The following RBL1 variants were observed in gnomAD, a reference collection of about 807,000 sequenced individuals.
RBL1 encodes the protein retinoblastoma-like protein 1.
A neutral mutation model predicts 123.0 loss-of-function variants in RBL1; 82 were observed. That is an observed-to-expected ratio of 0.67 (90% CI 0.56 to 0.80). The LOEUF (loss-of-function observed/expected upper bound fraction) is 0.80, where lower values mean the gene tolerates loss of function less well. RBL1 is among the 30% of genes least tolerant of loss of function. The pLI, the probability that RBL1 is intolerant of heterozygous loss-of-function variation, is 0.00. For synonymous variants in RBL1, 405 were observed against 441.3 expected (o/e 0.92, Z 1.03); for missense variants, 1,171 against 1,299.6 (o/e 0.90, Z 1.52).
chr20:37,068,946 C>T (rs1364770754), intron 2 of RBL1, among the ~76,000 whole-genome samples: 1 of 152,272 alleles, frequency 6.6e-6, no homozygotes, highest in Non-Finnish European at 1.5e-5. Flanking sequence ...TGCAACCTCC[C>T]TGCCTGATTC....
intron 9 of RBL1, 29 bp downstream of exon 9, chr20:37,061,074 A>C: frequency 6.7e-7 from 1 of 1,497,686 alleles, no homozygotes; most frequent in Non-Finnish European, 9.0e-7. Context: ...TTAAAAAGAC[A>C]TTTGGAAAAA....
intron 1 of RBL1, among the ~76,000 whole-genome samples, chr20:37,090,507 G>A (rs573769527): frequency 1.3e-5 from 2 of 152,134 alleles, no homozygotes; most frequent in South Asian, 2.1e-4. Context: ...TAAAAAGTTG[G>A]CAAGGGAGTC....
At chr20:37,015,381 C>T (rs370216029) in intron 19 of RBL1, among the ~76,000 whole-genome samples, 21 of 151,832 alleles carry the variant, frequency 1.4e-4, no homozygotes, top group Admixed American at 3.3e-4. Flanking sequence ...AAAAACCACC[C>T]TGGATAGGTA....
In RBL1 at chr20:37,040,180, G is replaced by A. The variant is rs778997257; in HGVS notation, c.1876C>T (p.Arg626Ter). 6.2e-6 allele frequency: 10 copies of A among 1,613,784 alleles called. No individual in the cohort carries two copies. Among genetic ancestry groups the A allele is most frequent in the Non-Finnish European group, 8.5e-6 (10 of 1,179,916 alleles). The part of the protein sequence containing the change: ...PLMHPRVKEV[R>*]TDSGSLRRDM... ...CTTCGAAGACTCCCACTGTCAGTTC[G>A]AACTTCCTTGACTCTTGGGTGCATT... Residue 626 changes from arginine (R) to a stop codon, truncating the protein, a stop_gained, in exon 14 of 22, where the codon CGA (arginine) becomes TGA (stop). Transcript: ENST00000373664. LOFTEE classifies it high-confidence loss of function.
intron 14 of RBL1, among the ~76,000 whole-genome samples, chr20:37,038,082 C>T (rs761013735): frequency 6.7e-6 from 1 of 149,248 alleles, no homozygotes; most frequent in Non-Finnish European, 1.5e-5. Flanking sequence ...AACTCCATCC[C>T]TTGGGTTCAA....
At chr20:37,079,389 T>TTATATAGATAACATCTA (rs2065414550) in intron 2 of RBL1, among the ~76,000 whole-genome samples, 1 of 152,058 alleles carries the variant, frequency 6.6e-6, no homozygotes, top group African/African-American at 2.4e-5. Context: ...GTTATCTGAT[T>TTATATAGATAACATCTA]TATCTGGGAT....
At chr20:37,093,231 G>A (rs1402367115) in intron 1 of RBL1, among the ~76,000 whole-genome samples, 2 of 152,046 alleles carry the variant, frequency 1.3e-5, no homozygotes, top group African/African-American at 2.4e-5. Context: ...TAGGAAGCAT[G>A]AGATATATGA....
rs971867723 is a variant in RBL1 at position 37,040,357 on chromosome 20, C to A, written c.1771-72G>T. 4.5e-6 allele frequency: 7 copies of A among 1,556,300 alleles called. No individual in the cohort carries two copies. The African/African-American group carries it at 6.9e-5, about 15-fold the overall frequency. On this transcript the variant is annotated intron_variant, in intron 13 of 21. Transcript: ENST00000373664. ...GATTAAAACTTATTAAAAATGTTTTCTTTTCTTTTTTTGAGATAAAGTCTC... is the reference window on the plus strand; with the variant it reads ...GATTAAAACTTATTAAAAATGTTTTATTTTCTTTTTTTGAGATAAAGTCTC...
At position 37,069,862 on chromosome 20, in the gene RBL1, C is replaced by T. The variant is rs1235974519; in HGVS notation, c.291-1676G>A. 1.2e-4 allele frequency among the ~76,000 whole-genome samples: 18 copies of T among 150,646 alleles called. No individual in the cohort carries two copies. The South Asian group carries it at 3.0e-3, about 25-fold the overall frequency. On this transcript the variant is annotated intron_variant, in intron 2 of 21. Transcript: ENST00000373664. Reference sequence around the variant, plus strand: ...GAGGGAGGTGGGGGGGTCAGCCCCCCGCCCGGCCAGCCGCCCCGTCCAGGA... The same window carrying T: ...GAGGGAGGTGGGGGGGTCAGCCCCCTGCCCGGCCAGCCGCCCCGTCCAGGA...
chr20:37,032,589 C>A, intron 16 of RBL1, 76 bp downstream of exon 16: 15 of 1,560,690 alleles, frequency 9.6e-6, no homozygotes, highest in East Asian at 2.3e-5. Context: ...AAAAAAAGAC[C>A]AAAGTCTGTC....
chr20:37,095,722 G>T (rs1193275410), intron 1 of RBL1, 51 bp downstream of exon 1: 2 of 1,502,490 alleles, frequency 1.3e-6, no homozygotes, highest in African/African-American at 1.4e-5. Flanking sequence ...GCGGGGCAGG[G>T]GTGGGGCCTG....
intron 14 of RBL1, among the ~76,000 whole-genome samples, chr20:37,037,986 T>C (rs113301412): frequency 5.2e-5 from 7 of 134,970 alleles, no homozygotes; most frequent in African/African-American, 2.1e-4. Context: ...CGCCCGGCCA[T>C]TGTTTTTTTT....
intron 2 of RBL1, among the ~76,000 whole-genome samples, chr20:37,068,828 A>C (rs2065226228): frequency 6.6e-6 from 1 of 152,228 alleles, no homozygotes; most frequent in Non-Finnish European, 1.5e-5. Context: ...ATACAAAATT[A>C]GGAGCTCTCC....
At chr20:37,069,998 G>A (rs1020315374) in intron 2 of RBL1, among the ~76,000 whole-genome samples, 242 of 152,364 alleles carry the variant, frequency 1.6e-3, no homozygotes, top group Non-Finnish European at 2.6e-3. Context: ...AACGGGCCAG[G>A]ATGACAATGG....
At chr20:37,056,351 C>T (rs1346263983) in intron 9 of RBL1, 93 bp from the exon 10 acceptor site, 835 of 971,328 alleles carry the variant, frequency 8.6e-4, no homozygotes, top group Middle Eastern at 1.9e-3. Flanking sequence ...CCTTCTTCTT[C>T]TTTTTTTTTT....
At chr20:37,086,302 T>G (rs2065544443) in intron 2 of RBL1, among the ~76,000 whole-genome samples, 3 of 152,164 alleles carry the variant, frequency 2.0e-5, no homozygotes. Context: ...AACATTTTTT[T>G]TAGGCTGGAC....
At chr20:37,070,357 A>C (rs976830840) in intron 2 of RBL1, among the ~76,000 whole-genome samples, 5 of 152,196 alleles carry the variant, frequency 3.3e-5, no homozygotes, top group Non-Finnish European at 5.9e-5. Context: ...TCCTCTGCCT[A>C]GGAAAACCAG....
chr20:37,070,087 A>G (rs1326822055), intron 2 of RBL1, among the ~76,000 whole-genome samples: 1 of 152,218 alleles, frequency 6.6e-6, no homozygotes, highest in Non-Finnish European at 1.5e-5. Flanking sequence ...GTGTAGAAAG[A>G]AGTAGACATG....
intron 21 of RBL1, among the ~76,000 whole-genome samples, chr20:37,000,235 G>T (rs1161659600): frequency 6.7e-6 from 1 of 148,526 alleles, no homozygotes; most frequent in African/African-American, 2.5e-5. Context: ...CCTCTGAGAA[G>T]TGAGGAGCCC....
Sources: gnomAD v4.1 joint callset for allele counts (sites outside exome capture counted in the v4.1 genomes callset) on GRCh38, gnomAD v4.1.1 for gene constraint, MANE v1.5 for transcripts, NCBI Gene and HGNC (gene_info 2026-07-23, HGNC 2026-07-21) for gene names.